The following ANKRD55 variants were observed in gnomAD, a reference collection of about 807,000 sequenced individuals.
The protein encoded by ANKRD55 is ankyrin repeat domain 55, also known as ankyrin repeat domain-containing protein 55.
A neutral mutation model predicts 60.6 loss-of-function variants in ANKRD55; 41 were observed. The ratio of observed to expected loss-of-function variants is 0.68; its 90% CI spans 0.53 to 0.88. ANKRD55 has a LOEUF of 0.88. Ranked by LOEUF, ANKRD55 falls within the 40% of genes least tolerant of loss-of-function variation. The pLI is 0.00. For synonymous variants in ANKRD55, 264 were observed against 290.3 expected (o/e 0.91, Z 0.92); for missense variants, 732 against 767.6 (o/e 0.95, Z 0.55).
At chr5:56,214,597 C>T (rs1759758464) in intron 2 of ANKRD55, among the ~76,000 whole-genome samples, 1 of 152,202 alleles carries the variant, frequency 6.6e-6, no homozygotes, top group African/African-American at 2.4e-5. Context: ...GCACTGGGAT[C>T]TGAGTGTCCA....
chr5:56,212,502 AAAT>A (rs1450331108), intron 2 of ANKRD55, among the ~76,000 whole-genome samples: 3 of 152,230 alleles, frequency 2.0e-5, no homozygotes, highest in East Asian at 1.9e-4. Context: ...AGGAAGAGCA[AAAT>A]AATAATAATT....
At chr5:56,121,663 A>G (rs1164137278) in intron 8 of ANKRD55, among the ~76,000 whole-genome samples, 12 of 151,858 alleles carry the variant, frequency 7.9e-5, no homozygotes, top group Admixed American at 2.0e-4. Flanking sequence ...GAGCCACCAC[A>G]CCCGGCCAGT....
intron 3 of ANKRD55, among the ~76,000 whole-genome samples, chr5:56,181,805 G>T (rs1350772768): frequency 6.6e-6 from 1 of 152,192 alleles, no homozygotes; most frequent in East Asian, 1.9e-4. Context: ...GGCCAGGCCG[G>T]TCTTGACCTC....
chr5:56,102,006 A>T (rs537258283), intron 11 of ANKRD55, among the ~76,000 whole-genome samples: 153 of 152,132 alleles, frequency 1.0e-3, no homozygotes, highest in Admixed American at 1.7e-3. Flanking sequence ...TATTTTTTTA[A>T]AAAAAATAAG....
chr5:56,196,202 C>T (rs1225868825), intron 2 of ANKRD55, among the ~76,000 whole-genome samples: 1 of 152,142 alleles, frequency 6.6e-6, no homozygotes, highest in Non-Finnish European at 1.5e-5. Flanking sequence ...ATAATACTAC[C>T]TACCTCACAG....
At chr5:56,189,304 C>T (rs965317274) in intron 2 of ANKRD55, among the ~76,000 whole-genome samples, 32 of 129,304 alleles carry the variant, frequency 2.5e-4, no homozygotes, top group Admixed American at 5.0e-4. Flanking sequence ...GAGCGAGACT[C>T]TGTCTCAAAA....
intron 7 of ANKRD55, among the ~76,000 whole-genome samples, chr5:56,129,027 G>A (rs192587544): frequency 1.3e-5 from 2 of 152,324 alleles, no homozygotes; most frequent in Non-Finnish European, 2.9e-5. Context: ...GTTTCTCCTA[G>A]TAAGGTTTCC....
Position 56,222,927 on chromosome 5 carries a change from C to T in ANKRD55, c.58+9929G>A, listed in dbSNP as rs560903364. On this transcript the variant is annotated intron_variant, in intron 2 of 11. Coordinates refer to ENST00000341048, the MANE Select transcript of ANKRD55 (RefSeq NM_024669.3). The stretch of plus-strand genomic sequence containing the variant: ...GAATGGAACCAAGTTGGAAAACACT[C>T]TTCAGGATATTATCCAGGAGAACGT... 2.6e-5 allele frequency among the ~76,000 whole-genome samples: 4 copies of T among 152,344 alleles called. No homozygotes were observed. In the East Asian group the frequency reaches 7.7e-4, roughly 29 times the overall value.
intron 6 of ANKRD55, among the ~76,000 whole-genome samples, chr5:56,156,414 A>G (rs1180143468): frequency 6.6e-6 from 1 of 152,244 alleles, no homozygotes; most frequent in Non-Finnish European, 1.5e-5. Flanking sequence ...ACTCTTAGAA[A>G]GATCCATGTC....
chr5:56,190,915 AC>A (rs1289444256), intron 2 of ANKRD55, among the ~76,000 whole-genome samples: 2 of 152,228 alleles, frequency 1.3e-5, no homozygotes, highest in Non-Finnish European at 2.9e-5. Flanking sequence ...TGGTACAATG[AC>A]AGTTAAATTT....
intron 9 of ANKRD55, among the ~76,000 whole-genome samples, chr5:56,113,156 G>A (rs191258347): frequency 1.3e-5 from 2 of 152,278 alleles, no homozygotes; most frequent in Admixed American, 1.3e-4. Flanking sequence ...GTCTCAAAAT[G>A]GGGTCCACTG....
At chr5:56,161,840 C>G (rs1203922346) in intron 5 of ANKRD55, 2 of 370,318 alleles carry the variant, frequency 5.4e-6, no homozygotes, top group Non-Finnish European at 7.5e-6. Context: ...CTTTTATGCT[C>G]TCTGAATTCT....
chr5:56,145,694 C>T (rs1238404320), intron 6 of ANKRD55, among the ~76,000 whole-genome samples: 1 of 152,164 alleles, frequency 6.6e-6, no homozygotes, highest in Non-Finnish European at 1.5e-5. Context: ...GGAACTGAAT[C>T]TAGGGTTTAA....
At chr5:56,230,297 G>A (rs1391289407) in intron 2 of ANKRD55, among the ~76,000 whole-genome samples, 1 of 152,156 alleles carries the variant, frequency 6.6e-6, no homozygotes, top group Non-Finnish European at 1.5e-5. Context: ...CTTTCACCCT[G>A]TTGGCCAGGA....
intron 2 of ANKRD55, among the ~76,000 whole-genome samples, chr5:56,197,797 A>G (rs1759261564): frequency 1.3e-5 from 2 of 152,186 alleles, no homozygotes; most frequent in Non-Finnish European, 2.9e-5. Context: ...GGCTTTTAAT[A>G]TTATTTGAAT....
In ANKRD55 at chr5:56,231,719, C is replaced by T. The variant is rs866204568; in HGVS notation, c.58+1137G>A. 2.7e-5 allele frequency among the ~76,000 whole-genome samples: 4 copies of T among 150,890 alleles called. No homozygotes were observed. In the East Asian group the frequency reaches 7.8e-4, roughly 29 times the overall value. Reference sequence around the variant, plus strand: ...CACATACACATACACAAACACTATTCCAAATGAGCTAAGACCTGGAGAACA... The same window carrying T: ...CACATACACATACACAAACACTATTTCAAATGAGCTAAGACCTGGAGAACA... On this transcript the variant is annotated intron_variant, in intron 2 of 11. Coordinates refer to ENST00000341048, the MANE Select transcript of ANKRD55 (RefSeq NM_024669.3).
intron 11 of ANKRD55, among the ~76,000 whole-genome samples, chr5:56,100,984 G>C (rs1756254978): frequency 6.6e-6 from 1 of 152,194 alleles, no homozygotes; most frequent in Admixed American, 6.5e-5. Context: ...ACACACATCT[G>C]TAAAGGGCAG....
chr5:56,170,412 T>C (rs982774437), intron 5 of ANKRD55, among the ~76,000 whole-genome samples: 1 of 152,170 alleles, frequency 6.6e-6, no homozygotes, highest in African/African-American at 2.4e-5. Flanking sequence ...AATGCATAAT[T>C]GACTGACTGA....
chr5:56,127,150 GTTC>G lies in ANKRD55; in HGVS notation c.613-47_613-45del, dbSNP rs764848991. On this transcript the variant is annotated intron_variant, in intron 7 of 11. Transcript: ENST00000341048. ...GAAAGCCCATTATGTACAATCCAGT[GTTC>G]TTCTCTGTCTAGGCATGTTAAGATA... 1.3e-5 allele frequency: 19 copies of G among 1,489,538 alleles called. No individual in the cohort carries two copies. The South Asian group carries it at 2.7e-4, about 21-fold the overall frequency. 92.3% of individuals were successfully genotyped at this position (1,489,538 alleles called of 1,614,324 possible).
Sources: allele counts gnomAD v4.1 joint callset (sites outside exome capture counted in the v4.1 genomes callset), GRCh38; gene constraint gnomAD v4.1.1; transcripts MANE v1.5; gene names NCBI Gene and HGNC (gene_info 2026-07-23, HGNC 2026-07-21).